KALRN: variants seen among roughly 807,000 people sequenced by gnomAD.
KALRN encodes kalirin RhoGEF kinase, also known as kalirin.
In KALRN, 70 loss-of-function variants were observed where a neutral mutation model predicts 353.7. The observed-to-expected ratio is 0.20, with a 90% confidence interval of 0.16 to 0.24. The LOEUF is 0.24. KALRN is among the 10% of genes least tolerant of loss of function. The pLI is 1.00. For synonymous variants in KALRN, 1,391 were observed against 1,434.8 expected, an observed-to-expected ratio of 0.97 and a Z score of 0.69; for missense variants, 2,791 against 3,756.7, an observed-to-expected ratio of 0.74 and a Z score of 6.72.
At chr3:124,603,239 A>G (rs763061082) in intron 34 of KALRN, among the ~76,000 whole-genome samples, 36 of 152,192 alleles carry the variant, frequency 2.4e-4, no homozygotes, top group Non-Finnish European at 4.7e-4. Flanking sequence ...AACCACAGTC[A>G]CACTTGTTTG....
chr3:124,321,015 G>A (rs2079282807), intron 6 of KALRN, among the ~76,000 whole-genome samples: 1 of 152,204 alleles, frequency 6.6e-6, no homozygotes, highest in Admixed American at 6.5e-5. Context: ...TCTTTTTGTT[G>A]TACTTTTTAC....
intron 33 of KALRN, among the ~76,000 whole-genome samples, chr3:124,532,768 T>C (rs1214090438): frequency 6.6e-6 from 1 of 152,028 alleles, no homozygotes; most frequent in Non-Finnish European, 1.5e-5. Context: ...ACCACTGCAC[T>C]CCAGCTTGGG....
At position 124,666,457 on chromosome 3, in the gene KALRN, G is replaced by T; in HGVS notation, c.6354G>T (p.Leu2118=). Residue 2118 remains leucine, a synonymous_variant, in exon 46 of 60, where the codon CTG becomes CTT. Transcript: ENST00000682506. ...GCCCGTCTTTCCTTCAGGGCACTCT[G>T]ACTGCTCAGGGGAAGCTGCTGCAGC... is the stretch of plus-strand genomic sequence containing the variant. ...LGRLQGFEGT[L]TAQGKLLQQD... 1 of 1,613,906 alleles carries T rather than the reference G, an allele frequency of 6.2e-7. No homozygotes were observed. The highest frequency in any genetic ancestry group is 1.1e-5 in the South Asian group (1 of 91,058).
chr3:124,687,146 C>T (rs951853691), intron 51 of KALRN, among the ~76,000 whole-genome samples: 2 of 152,040 alleles, frequency 1.3e-5, no homozygotes, highest in Non-Finnish European at 2.9e-5. Flanking sequence ...TTACATAGCT[C>T]CGAAGACTCT....
At chr3:124,678,402 ATTT>A (rs35286809) in intron 50 of KALRN, 89 bp downstream of exon 50, 10 of 1,191,360 alleles carry the variant, frequency 8.4e-6, no homozygotes, top group African/African-American at 3.2e-5. Flanking sequence ...TGGATGGGTT[ATTT>A]TTTTTTTTTC....
chr3:124,333,214 C>T (rs1382769800), intron 8 of KALRN, among the ~76,000 whole-genome samples: 1 of 152,138 alleles, frequency 6.6e-6, no homozygotes, highest in African/African-American at 2.4e-5. Context: ...TCCCACAACA[C>T]GTGGTGATTA....
chr3:124,282,379 C>CTTT (rs34148546), intron 5 of KALRN, among the ~76,000 whole-genome samples: 34,159 of 134,496 alleles, frequency 0.25, 5,299 homozygotes, highest in Non-Finnish European at 0.35. Flanking sequence ...CTACATTTTT[C>CTTT]TTTTTTTTTT....
intron 1 of KALRN, among the ~76,000 whole-genome samples, chr3:124,044,086 C>T (rs1205841957): frequency 6.6e-6 from 1 of 152,114 alleles, no homozygotes; most frequent in Non-Finnish European, 1.5e-5. Context: ...GCCCCTTGCT[C>T]ATTCTTCTCC....
chr3:124,666,052 C>T (rs561433464), intron 45 of KALRN, among the ~76,000 whole-genome samples: 5 of 152,146 alleles, frequency 3.3e-5, no homozygotes, highest in African/African-American at 9.7e-5. Flanking sequence ...AGGCAGGCAC[C>T]GTTCTCAGAG....
intron 6 of KALRN, among the ~76,000 whole-genome samples, chr3:124,312,511 A>T (rs114247513): frequency 9.3e-4 from 142 of 152,316 alleles, no homozygotes; most frequent in African/African-American, 3.3e-3. Context: ...GAAAAAAAAG[A>T]AAAGAAGACA....
intron 1 of KALRN, among the ~76,000 whole-genome samples, chr3:124,205,009 GT>G (rs903428650): frequency 1.2e-4 from 19 of 152,186 alleles, no homozygotes; most frequent in Admixed American, 3.3e-4. Flanking sequence ...TCAAGTTTTT[GT>G]TTGCAAAGTC....
chr3:124,445,390 A>G (rs2093803651), intron 19 of KALRN, among the ~76,000 whole-genome samples: 1 of 152,226 alleles, frequency 6.6e-6, no homozygotes, highest in East Asian at 1.9e-4. Context: ...AACGCTTAAG[A>G]CATCTATCCA....
At chr3:124,312,905 C>T (rs564292981) in intron 6 of KALRN, among the ~76,000 whole-genome samples, 1 of 152,354 alleles carries the variant, frequency 6.6e-6, no homozygotes, top group East Asian at 1.9e-4. Context: ...ATAACAATGC[C>T]TGGCAGTTAG....
Position 124,719,463 on chromosome 3 carries a change from G to A in KALRN, c.8954G>A (p.Gly2985Glu). 1 of 1,611,538 alleles carries A rather than the reference G, an allele frequency of 6.2e-7. No homozygotes were observed. Among genetic ancestry groups the A allele is most frequent in the Non-Finnish European group, 8.5e-7 (1 of 1,178,244 alleles). The change falls in exon 60 of 60, where the codon GGG (glycine) becomes GAG (glutamate). Residue 2985 changes from glycine to glutamate, a missense_variant. This residue lies in a region of KALRN where 32 missense variants were observed against 27.4 expected (regional missense o/e 1.17). Transcript: ENST00000682506. The surrounding 1 kb of genome is among the most constrained non-coding windows in gnomAD (Gnocchi z 5.3). ...TACATTGTCAACCGGGTGAACCAAG[G>A]GACGTAGCCATCTCCCAGCCCCTAT... is the stretch of plus-strand genomic sequence containing the variant. ...KSYIVNRVNQ[G>E]T
At chr3:124,126,611 C>T (rs920350716) in intron 1 of KALRN, among the ~76,000 whole-genome samples, 1 of 152,224 alleles carries the variant, frequency 6.6e-6, no homozygotes, top group African/African-American at 2.4e-5. Context: ...AGGCCAGATT[C>T]TCCTAAGAGA....
chr3:124,498,930 A>T (rs1437199677), intron 33 of KALRN, among the ~76,000 whole-genome samples: 1 of 151,892 alleles, frequency 6.6e-6, no homozygotes, highest in Non-Finnish European at 1.5e-5. Context: ...AAGTGGTCAG[A>T]TGAACAGTCT....
chr3:124,204,902 G>A (rs533248225), intron 1 of KALRN, among the ~76,000 whole-genome samples: 1 of 152,304 alleles, frequency 6.6e-6, no homozygotes, highest in South Asian at 2.1e-4. Flanking sequence ...CTTATTAGGA[G>A]AACTCCTCAT....
chr3:124,331,828 C>T (rs1468960073), intron 8 of KALRN, among the ~76,000 whole-genome samples: 5 of 152,140 alleles, frequency 3.3e-5, no homozygotes, highest in Non-Finnish European at 7.3e-5. Flanking sequence ...TAAACCTTCC[C>T]TCCAAGCCCA....
Position 124,446,799 on chromosome 3 carries a change from C to G in KALRN, c.3466C>G (p.Leu1156Val). The G allele has an allele frequency of 6.2e-7, 1 of 1,614,056 alleles. No homozygotes were observed. The highest frequency in any genetic ancestry group is 1.3e-5 in the African/African-American group (1 of 75,002). ...GATCCAAGAAACAGGTGAATTTTAC[C>G]TCTCAACACATACCTCCACTGGAGA... Reference protein sequence around the residue: ...DWIQETGEFYLSTHTSTGETT... With the variant: ...DWIQETGEFYVSTHTSTGETT... The change falls in exon 21 of 60, where the codon CTC (leucine) becomes GTC (valine). Residue 1156 changes from leucine (L) to valine (V), a missense_variant. By Grantham distance (32) the Leu-to-Val change is conservative (BLOSUM62 1). Coordinates refer to ENST00000682506, the MANE Select transcript of KALRN (RefSeq NM_001388419.1).
Sources: gnomAD v4.1 joint callset for allele counts (sites outside exome capture counted in the v4.1 genomes callset) on GRCh38, gnomAD v4.1.1 for gene constraint, gnomAD v4.1.1 regional missense constraint, Gnocchi (gnomAD v3.1) non-coding constraint, MANE v1.5 for transcripts, NCBI Gene and HGNC (gene_info 2026-07-23, HGNC 2026-07-21) for gene names.